Variants in WASF2 observed in about 807,000 individuals in gnomAD.
WASF2 encodes the protein WASP family member 2.
A neutral mutation model predicts 45.0 loss-of-function variants in WASF2; 14 were observed. The observed-to-expected ratio is 0.31, with a 90% CI of 0.21 to 0.49. The LOEUF (loss-of-function observed/expected upper bound fraction) is 0.49, where lower values mean the gene tolerates loss of function less well. Ranked by LOEUF, WASF2 falls within the 20% of genes least tolerant of loss-of-function variation. The pLI, the probability that WASF2 is intolerant of heterozygous loss-of-function variation, is 0.99. For synonymous variants in WASF2, 200 were observed against 236.3 expected (o/e 0.85, Z 1.41); for missense variants, 439 against 636.1 (o/e 0.69, Z 3.33).
intron 2 of WASF2, among the ~76,000 whole-genome samples, chr1:27,421,942 C>T (rs1017506223): frequency 6.6e-6 from 1 of 151,676 alleles, no homozygotes; most frequent in Non-Finnish European, 1.5e-5. Flanking sequence ...TGCCACTGTA[C>T]TCCAGCCTAT....
At chr1:27,460,140 T>A (rs1571152820) in intron 1 of WASF2, among the ~76,000 whole-genome samples, 1 of 152,352 alleles carries the variant, frequency 6.6e-6, no homozygotes, top group East Asian at 1.9e-4. Context: ...GCCAGTCCAG[T>A]AATGCAGATG....
At chr1:27,418,172 G>T in intron 4 of WASF2, 97 bp downstream of exon 4, 1 of 1,392,060 alleles carries the variant, frequency 7.2e-7, no homozygotes, top group Non-Finnish European at 9.6e-7. Flanking sequence ...TAAGCTTTTA[G>T]ATACAATCCT....
chr1:27,474,160 G>A (rs1196209903), intron 1 of WASF2, among the ~76,000 whole-genome samples: 3 of 152,104 alleles, frequency 2.0e-5, no homozygotes, highest in Non-Finnish European at 2.9e-5. Flanking sequence ...TCAAAGACCT[G>A]TTGTAATGGC....
In WASF2 at chr1:27,407,083, C is replaced by T. The variant is rs775002625; in HGVS notation, c.*1106G>A. The T allele has an allele frequency of 4.6e-5, 7 of 152,246 alleles. No individual in the cohort carries two copies. The highest frequency in any genetic ancestry group is 5.9e-5 in the Non-Finnish European group (4 of 68,098). The allele number at this position is 152,246 out of a possible 1,614,324, so 9.4% of individuals were successfully genotyped here. ...GAGGCTATGAAGGTCTGAGCAGCACCGACAGGGCTGGCACAGACCCTGAGC... is the reference window on the plus strand; with the variant it reads ...GAGGCTATGAAGGTCTGAGCAGCACTGACAGGGCTGGCACAGACCCTGAGC... On this transcript the variant is annotated 3_prime_UTR_variant, in exon 9 of 9. Transcript: ENST00000618852.
intron 1 of WASF2, among the ~76,000 whole-genome samples, chr1:27,483,597 G>A (rs1204581272): frequency 1.3e-5 from 2 of 152,006 alleles, no homozygotes; most frequent in Admixed American, 6.6e-5. Flanking sequence ...CCGAGATCAC[G>A]CCACTGCACT....
chr1:27,408,505 G>C (rs2016711608), intron 8 of WASF2, among the ~76,000 whole-genome samples, 159 bp from the exon 9 acceptor site: 1 of 152,206 alleles, frequency 6.6e-6, no homozygotes, highest in Admixed American at 6.5e-5. Context: ...ATGAGTTTAT[G>C]AAATTGATGG....
intron 1 of WASF2, among the ~76,000 whole-genome samples, chr1:27,480,898 A>G (rs887768869): frequency 2.0e-5 from 3 of 151,100 alleles, no homozygotes; most frequent in African/African-American, 7.3e-5. Flanking sequence ...AGTCCCAGCT[A>G]CTCCCAGCTC....
chr1:27,449,268 CT>C (rs1475250252), intron 1 of WASF2, among the ~76,000 whole-genome samples: 1 of 152,140 alleles, frequency 6.6e-6, no homozygotes, highest in Non-Finnish European at 1.5e-5. Flanking sequence ...ATCTTAGTGC[CT>C]ACCACCACGC....
At position 27,453,761 on chromosome 1, in the gene WASF2, C is replaced by T. The variant is rs188404873; in HGVS notation, c.-43-24828G>A. ...CAAAAACTAGCCAGGCATGGTGGCA[C>T]ATGCCTGTAATCCCAGCTACTGGGG... On this transcript the variant is annotated intron_variant, in intron 1 of 8. Transcript: ENST00000618852. Among the ~76,000 whole-genome samples, 490 of 151,964 alleles carry T rather than the reference C, an allele frequency of 3.2e-3. 8 individuals are homozygous for T. Among genetic ancestry groups the T allele is most frequent in the Admixed American group, 0.028 (422 of 15,248 alleles).
At chr1:27,454,558 G>A (rs1047218461) in intron 1 of WASF2, among the ~76,000 whole-genome samples, 1 of 151,840 alleles carries the variant, frequency 6.6e-6, no homozygotes, top group Non-Finnish European at 1.5e-5. Context: ...GGGTGGTCTC[G>A]AACTACTGGG....
chr1:27,479,262 G>T (rs2017813457), intron 1 of WASF2, among the ~76,000 whole-genome samples: 1 of 151,226 alleles, frequency 6.6e-6, no homozygotes, highest in Admixed American at 6.6e-5. Context: ...CTCCAGTGTG[G>T]GCGACAGAGT....
intron 2 of WASF2, among the ~76,000 whole-genome samples, chr1:27,423,334 C>T (rs1012650501): frequency 6.6e-6 from 1 of 150,886 alleles, no homozygotes; most frequent in East Asian, 1.9e-4. Flanking sequence ...AGTAGAAATA[C>T]AGGCGCAGGC....
At chr1:27,424,698 A>G (rs2148109346) in intron 2 of WASF2, among the ~76,000 whole-genome samples, 1 of 152,178 alleles carries the variant, frequency 6.6e-6, no homozygotes, top group Non-Finnish European at 1.5e-5. Flanking sequence ...TTTCGTTTAT[A>G]TTTTGTAGAG....
intron 1 of WASF2, among the ~76,000 whole-genome samples, chr1:27,444,144 G>A (rs1359630010): frequency 6.6e-6 from 1 of 152,102 alleles, no homozygotes; most frequent in African/African-American, 2.4e-5. Context: ...GCAGTGGTGT[G>A]AACGTGACTC....
At chr1:27,411,788 G>A (rs2016764440) in intron 7 of WASF2, among the ~76,000 whole-genome samples, 2 of 152,306 alleles carry the variant, frequency 1.3e-5, no homozygotes, top group South Asian at 2.1e-4. Flanking sequence ...GCATGAACCC[G>A]GGAGGCGGAG....
chr1:27,444,657 G>A (rs1366495632), intron 1 of WASF2, among the ~76,000 whole-genome samples: 1 of 152,190 alleles, frequency 6.6e-6, no homozygotes, highest in African/African-American at 2.4e-5. Context: ...TTCTGAGACA[G>A]GCTCTTCAGG....
intron 1 of WASF2, among the ~76,000 whole-genome samples, chr1:27,467,782 C>T (rs952203914): frequency 9.2e-5 from 14 of 151,630 alleles, no homozygotes; most frequent in East Asian, 4.0e-4. Flanking sequence ...CGTGGTGGCA[C>T]GCGACTGTAG....
At chr1:27,437,142 C>T (rs1171973001) in intron 1 of WASF2, among the ~76,000 whole-genome samples, 2 of 152,188 alleles carry the variant, frequency 1.3e-5, no homozygotes, top group African/African-American at 4.8e-5. Flanking sequence ...CCCTTTTACA[C>T]TTAAGGGTCT....
chr1:27,467,961 T>C (rs1431929597), intron 1 of WASF2, among the ~76,000 whole-genome samples: 1 of 151,410 alleles, frequency 6.6e-6, no homozygotes, highest in Non-Finnish European at 1.5e-5. Context: ...TGAGACAGGG[T>C]CTCACTCTGT....
Sources: gnomAD v4.1 joint callset for allele counts (sites outside exome capture counted in the v4.1 genomes callset) on GRCh38, gnomAD v4.1.1 for gene constraint, MANE v1.5 for transcripts, NCBI Gene and HGNC (gene_info 2026-07-23, HGNC 2026-07-21) for gene names.